SEMA6D: variants seen among roughly 807,000 people sequenced by gnomAD.
SEMA6D encodes semaphorin 6D.
In SEMA6D, 35 loss-of-function variants were observed where a neutral mutation model predicts 106.6. The ratio of observed to expected loss-of-function variants is 0.33; its 90% CI spans 0.25 to 0.44. SEMA6D has a LOEUF of 0.44. Ranked by LOEUF, SEMA6D falls within the 20% of genes least tolerant of loss-of-function variation. SEMA6D has a pLI of 1.00. For synonymous variants in SEMA6D, 499 were observed against 487.7 expected (o/e 1.02, Z -0.31); for missense variants, 1,185 against 1,345.9 (o/e 0.88, Z 1.87).
At chr15:47,500,883 GTGT>G (rs2043825373) in intron 3 of SEMA6D, among the ~76,000 whole-genome samples, 1 of 152,168 alleles carries the variant, frequency 6.6e-6, no homozygotes, top group South Asian at 2.1e-4. Flanking sequence ...GTGTCTTAGA[GTGT>G]TGTTAAACTT....
intron 4 of SEMA6D, among the ~76,000 whole-genome samples, chr15:47,702,491 A>T (rs1189391895): frequency 6.6e-6 from 1 of 152,228 alleles, no homozygotes; most frequent in African/African-American, 2.4e-5. Flanking sequence ...TATGCTTACC[A>T]TACAATCCAA....
intron 3 of SEMA6D, among the ~76,000 whole-genome samples, chr15:47,547,293 C>T (rs952237538): frequency 5.9e-5 from 9 of 152,058 alleles, no homozygotes; most frequent in African/African-American, 1.2e-4. Context: ...GATATTTTCC[C>T]GGAAACGGTA....
chr15:47,291,029 C>T (rs900427111), intron 1 of SEMA6D, among the ~76,000 whole-genome samples: 5 of 152,180 alleles, frequency 3.3e-5, no homozygotes, highest in African/African-American at 9.7e-5. Context: ...TGATGTATAG[C>T]TAGGCTATTC....
intron 18 of SEMA6D, 90 bp downstream of exon 18, chr15:47,768,838 C>A: frequency 7.9e-7 from 1 of 1,258,332 alleles, no homozygotes; most frequent in Non-Finnish European, 1.1e-6. Flanking sequence ...AGAGGTGGGC[C>A]TCACAGGAGC....
chr15:47,222,384 C>A (rs1231863102), intron 1 of SEMA6D, among the ~76,000 whole-genome samples: 2 of 152,146 alleles, frequency 1.3e-5, no homozygotes, highest in African/African-American at 4.8e-5. Context: ...AACCTGTTTT[C>A]TTTCCAGATA....
intron 1 of SEMA6D, among the ~76,000 whole-genome samples, chr15:47,324,608 G>T (rs951503593): frequency 3.3e-5 from 5 of 151,030 alleles, no homozygotes; most frequent in Admixed American, 3.3e-4. Flanking sequence ...AAGCCAACTG[G>T]TATATGAGAA....
At chr15:47,680,002 A>T (rs1210454133) in intron 4 of SEMA6D, among the ~76,000 whole-genome samples, 1 of 152,114 alleles carries the variant, frequency 6.6e-6, no homozygotes, top group Non-Finnish European at 1.5e-5. Context: ...GAATCACCAG[A>T]TATTCCCTTT....
At chr15:47,343,380 A>G (rs2037906713) in intron 1 of SEMA6D, among the ~76,000 whole-genome samples, 1 of 151,790 alleles carries the variant, frequency 6.6e-6, no homozygotes, top group Admixed American at 6.6e-5. Context: ...AGCGTTAGGT[A>G]TATCTCCTAA....
At chr15:47,517,591 T>C (rs2044429754) in intron 3 of SEMA6D, among the ~76,000 whole-genome samples, 2 of 152,202 alleles carry the variant, frequency 1.3e-5, no homozygotes, top group South Asian at 4.1e-4. Context: ...TTGGTCGTGT[T>C]GTTGCTTATT....
chr15:47,479,543 T>C (rs8031231), intron 3 of SEMA6D, among the ~76,000 whole-genome samples: 5,294 of 152,242 alleles, frequency 0.035, 238 homozygotes, highest in African/African-American at 0.1. Context: ...CAGGACAACT[T>C]TATGAGGTTG....
At chr15:47,583,430 C>A (rs2076286287) in intron 3 of SEMA6D, among the ~76,000 whole-genome samples, 1 of 152,150 alleles carries the variant, frequency 6.6e-6, no homozygotes, top group South Asian at 2.1e-4. Context: ...CAAGGATGTT[C>A]TCTGGGGATT....
chr15:47,606,799 G>A (rs1046223617), intron 4 of SEMA6D, among the ~76,000 whole-genome samples: 5 of 152,138 alleles, frequency 3.3e-5, no homozygotes, highest in African/African-American at 1.2e-4. Context: ...TTGCACATGT[G>A]AGCTGTTGAA....
chr15:47,380,412 A>C (rs949524290), intron 1 of SEMA6D: 3 of 152,060 alleles, frequency 2.0e-5, no homozygotes, highest in African/African-American at 7.2e-5. Context: ...ACAATCTTCT[A>C]CTCTGGCTTT....
chr15:47,308,253 G>T (rs149692252), intron 1 of SEMA6D, among the ~76,000 whole-genome samples: 68 of 152,166 alleles, frequency 4.5e-4, no homozygotes, highest in African/African-American at 1.6e-3. Context: ...CCACATAGTT[G>T]CCACATGGCC....
At chr15:47,766,751 C>A in intron 16 of SEMA6D, 74 bp downstream of exon 16, 2 of 1,060,564 alleles carry the variant, frequency 1.9e-6, no homozygotes, top group Non-Finnish European at 2.9e-6. Context: ...ATTTTACAAT[C>A]AGTCTTTTTA....
intron 1 of SEMA6D, among the ~76,000 whole-genome samples, chr15:47,340,809 C>G (rs1363510440): frequency 6.6e-6 from 1 of 152,132 alleles, no homozygotes; most frequent in African/African-American, 2.4e-5. Flanking sequence ...CTCACTCTGT[C>G]CTTTCTGAGG....
intron 2 of SEMA6D, among the ~76,000 whole-genome samples, chr15:47,427,240 A>AC (rs1410210832): frequency 5.3e-5 from 8 of 152,112 alleles, no homozygotes; most frequent in African/African-American, 1.9e-4. Context: ...CACAAACTGC[A>AC]GAAGGTGTTG....
chr15:47,608,946 CT>C, intron 4 of SEMA6D, among the ~76,000 whole-genome samples: 1 of 152,236 alleles, frequency 6.6e-6, no homozygotes, highest in Middle Eastern at 3.4e-3. Context: ...GAACACTCTG[CT>C]TTTTTCTAGC....
chr15:47,588,754 T>A (rs1438617065), intron 3 of SEMA6D, among the ~76,000 whole-genome samples: 2 of 152,150 alleles, frequency 1.3e-5, no homozygotes, highest in Non-Finnish European at 2.9e-5. Context: ...CACTTAGACA[T>A]GACTAGTATT....
Sources: allele counts gnomAD v4.1 joint callset (sites outside exome capture counted in the v4.1 genomes callset), GRCh38; gene constraint gnomAD v4.1.1; transcripts MANE v1.5; gene names NCBI Gene and HGNC (gene_info 2026-07-23, HGNC 2026-07-21).